UBE2E2: variants seen among roughly 807,000 people sequenced by gnomAD.
The protein encoded by UBE2E2 is ubiquitin conjugating enzyme E2 E2.
A neutral mutation model predicts 24.7 loss-of-function variants in UBE2E2; 6 were observed. The observed-to-expected ratio is 0.24, with a 90% confidence interval of 0.13 to 0.48. UBE2E2 has a LOEUF of 0.48. Ranked by LOEUF, UBE2E2 falls within the 20% of genes least tolerant of loss-of-function variation. The pLI, the probability that UBE2E2 is intolerant of heterozygous loss-of-function variation, is 0.99. For missense variants in UBE2E2, 169 were observed against 245.0 expected (o/e 0.69, Z 2.07); for synonymous variants, 104 against 83.6 (o/e 1.24, Z -1.33).
chr3:23,467,630 T>C (rs1007552423), intron 3 of UBE2E2, among the ~76,000 whole-genome samples: 1 of 152,222 alleles, frequency 6.6e-6, no homozygotes, highest in African/African-American at 2.4e-5. Context: ...TTGTTTTTTT[T>C]CAGTCTATAG....
Position 23,280,825 on chromosome 3 carries a change from A to G in UBE2E2, c.227+63513A>G, listed in dbSNP as rs1698476213. On this transcript the variant is annotated intron_variant, in intron 3 of 5. Coordinates refer to ENST00000396703, the MANE Select transcript of UBE2E2 (RefSeq NM_152653.4). This position sits in a 1 kb window ranked among gnomAD's most constrained non-coding sequence, Gnocchi z 4.3. Reference sequence around the variant, plus strand: ...CCTTCTCTCGTGTTTCACATTCAGAATTTTCTTAGAGAATATCTTAGTTTG... The same window carrying G: ...CCTTCTCTCGTGTTTCACATTCAGAGTTTTCTTAGAGAATATCTTAGTTTG... Among the ~76,000 whole-genome samples, 1 of 152,088 alleles carries G rather than the reference A, an allele frequency of 6.6e-6. No individual in the cohort carries two copies. Among genetic ancestry groups the G allele is most frequent in the Non-Finnish European group, 1.5e-5 (1 of 68,016 alleles).
chr3:23,405,990 A>G (rs2125375968), intron 3 of UBE2E2, among the ~76,000 whole-genome samples: 1 of 152,300 alleles, frequency 6.6e-6, no homozygotes, highest in Non-Finnish European at 1.5e-5. Flanking sequence ...AGCCTTTTCT[A>G]ATGACATTTT....
chr3:23,264,986 T>C (rs1197906156), intron 3 of UBE2E2, among the ~76,000 whole-genome samples: 2 of 152,194 alleles, frequency 1.3e-5, no homozygotes, highest in South Asian at 2.1e-4. Flanking sequence ...TTGTGTATTT[T>C]AGTAGTAATA....
chr3:23,210,016 C>G (rs1482462983), intron 2 of UBE2E2, among the ~76,000 whole-genome samples: 3 of 152,060 alleles, frequency 2.0e-5, no homozygotes, highest in Admixed American at 2.0e-4. Context: ...CATCACAACA[C>G]AATTACCGGG....
At chr3:23,521,706 TTTTG>T (rs935735550) in intron 4 of UBE2E2, among the ~76,000 whole-genome samples, 41 of 151,816 alleles carry the variant, frequency 2.7e-4, no homozygotes, top group Non-Finnish European at 5.0e-4. Flanking sequence ...CATGATAAGG[TTTTG>T]TTTGTTTGTT....
chr3:23,363,240 A>G (rs1696168193), intron 3 of UBE2E2, among the ~76,000 whole-genome samples: 6 of 152,244 alleles, frequency 3.9e-5, no homozygotes, highest in Admixed American at 2.6e-4. Context: ...CAGCAACACA[A>G]TCAAGTCTGT....
chr3:23,324,783 A>G (rs573730876), intron 3 of UBE2E2, among the ~76,000 whole-genome samples: 7 of 127,812 alleles, frequency 5.5e-5, no homozygotes, highest in African/African-American at 2.0e-4. Flanking sequence ...TCTCTTGGAG[A>G]AAAGAATTTA....
chr3:23,204,431 G>A (rs1301900762), intron 1 of UBE2E2, among the ~76,000 whole-genome samples: 1 of 152,182 alleles, frequency 6.6e-6, no homozygotes, highest in Non-Finnish European at 1.5e-5. Flanking sequence ...AGTACGAAAG[G>A]AAGTGCTAGG....
chr3:23,223,974 C>G (rs1406419477), intron 3 of UBE2E2, among the ~76,000 whole-genome samples: 1 of 152,054 alleles, frequency 6.6e-6, no homozygotes, highest in African/African-American at 2.4e-5. Context: ...GGATTTATAC[C>G]TGAGTTCTCT....
At chr3:23,358,073 T>C (rs1696012737) in intron 3 of UBE2E2, among the ~76,000 whole-genome samples, 2 of 152,142 alleles carry the variant, frequency 1.3e-5, no homozygotes, top group African/African-American at 4.8e-5. Context: ...TGGGCTTGAG[T>C]GATCAGCCTG....
chr3:23,460,466 G>T (rs1308592320), intron 3 of UBE2E2, among the ~76,000 whole-genome samples: 1 of 152,142 alleles, frequency 6.6e-6, no homozygotes, highest in East Asian at 1.9e-4. Flanking sequence ...TTACATGCGA[G>T]GCTCTTAGCA....
At chr3:23,256,924 C>T (rs1239483406) in intron 3 of UBE2E2, among the ~76,000 whole-genome samples, 1 of 152,184 alleles carries the variant, frequency 6.6e-6, no homozygotes, top group Non-Finnish European at 1.5e-5. Context: ...TTCTTCCTAA[C>T]CTGCCTGCAT....
chr3:23,296,070 C>G (rs1341829248), intron 3 of UBE2E2, among the ~76,000 whole-genome samples: 1 of 152,100 alleles, frequency 6.6e-6, no homozygotes, highest in Non-Finnish European at 1.5e-5. Context: ...AATTCTAGTT[C>G]CCTTTCAGTA....
intron 3 of UBE2E2, among the ~76,000 whole-genome samples, chr3:23,470,125 C>T (rs1038287744): frequency 1.3e-5 from 2 of 152,124 alleles, no homozygotes; most frequent in African/African-American, 4.8e-5. Flanking sequence ...ATATGGAGGC[C>T]GCAATTAATA....
intron 3 of UBE2E2, among the ~76,000 whole-genome samples, chr3:23,322,674 G>T (rs1694776522): frequency 6.6e-6 from 1 of 151,958 alleles, no homozygotes; most frequent in African/African-American, 2.4e-5. Context: ...CAGAGAGCAT[G>T]TAACTTCGTA....
chr3:23,476,141 C>T (rs570765235), intron 3 of UBE2E2, among the ~76,000 whole-genome samples: 8 of 152,184 alleles, frequency 5.3e-5, no homozygotes, highest in Admixed American at 2.0e-4. Flanking sequence ...GATTTTCGTT[C>T]CCTTACCTAA....
At chr3:23,337,620 A>G (rs931647638) in intron 3 of UBE2E2, among the ~76,000 whole-genome samples, 1 of 152,216 alleles carries the variant, frequency 6.6e-6, no homozygotes. Flanking sequence ...CTTGAATGAT[A>G]TATAAGAGTT....
At chr3:23,568,518 A>G (rs115359127) in intron 5 of UBE2E2, among the ~76,000 whole-genome samples, 4,337 of 151,222 alleles carry the variant, frequency 0.029, 103 homozygotes, top group East Asian at 0.13. Context: ...TCAGAAAAAT[A>G]CTCCATTTAA....
intron 5 of UBE2E2, among the ~76,000 whole-genome samples, chr3:23,566,200 C>T (rs764576208): frequency 3.9e-5 from 6 of 152,130 alleles, no homozygotes; most frequent in Non-Finnish European, 7.4e-5. Context: ...TTGGAACAGT[C>T]CCTGCTGAAG....
Sources: gnomAD v4.1 joint callset for allele counts (sites outside exome capture counted in the v4.1 genomes callset) on GRCh38, gnomAD v4.1.1 for gene constraint, Gnocchi (gnomAD v3.1) non-coding constraint, MANE v1.5 for transcripts, NCBI Gene and HGNC (gene_info 2026-07-23, HGNC 2026-07-21) for gene names.